RNF169: variants seen among roughly 807,000 people sequenced by gnomAD.
RNF169 encodes E3 ubiquitin-protein ligase RNF169.
Under a neutral mutation model 53.9 loss-of-function variants are expected in RNF169, and 24 were observed. That is an observed-to-expected ratio of 0.45 (90% CI 0.32 to 0.63). The LOEUF is 0.63. Among genes scored for constraint, RNF169 ranks in the 20% least tolerant of loss-of-function variants. The pLI is 0.04. For synonymous variants in RNF169, 396 were observed against 363.5 expected (o/e 1.09, Z -1.02); for missense variants, 883 against 906.2 (o/e 0.97, Z 0.33).
intron 1 of RNF169, 74 bp from the exon 2 acceptor site, chr11:74,789,552 C>G: frequency 2.4e-6 from 2 of 833,494 alleles, no homozygotes; most frequent in Non-Finnish European, 4.0e-6. Flanking sequence ...TTATATAACC[C>G]ACATGTATTG....
intron 1 of RNF169, among the ~76,000 whole-genome samples, chr11:74,784,686 C>T (rs1415973163): frequency 6.6e-6 from 1 of 152,158 alleles, no homozygotes; most frequent in Admixed American, 6.5e-5. Flanking sequence ...TTCAGATTCC[C>T]CGCAGGAAAG....
rs756042444 is a variant in RNF169 at position 74,836,607 on chromosome 11, A to C, written c.2004A>C (p.Glu668Asp). Residue 668 changes from glutamate (E) to aspartate (D), a missense_variant, in exon 6 of 6, where the codon GAA becomes GAC. By Grantham distance (45) the Glu-to-Asp change is conservative. This residue lies in a region of RNF169 where 351 missense variants were observed against 337.3 expected (regional missense o/e 1.04). Transcript: ENST00000299563. ...AGCAGAAGCTTCAGCAAGAGGAAGAAGACCGACAGTTGGCTCTGCAGTTGC... is the reference window on the plus strand; with the variant it reads ...AGCAGAAGCTTCAGCAAGAGGAAGACGACCGACAGTTGGCTCTGCAGTTGC... Reference protein sequence around the residue: ...EMEQKLQQEEEDRQLALQLQR... With the variant: ...EMEQKLQQEEDDRQLALQLQR... The C allele has an allele frequency of 1.1e-5, 18 of 1,614,070 alleles. No homozygotes were observed. The highest frequency in any genetic ancestry group is 1.6e-4 in the Middle Eastern group (1 of 6,084).
intron 4 of RNF169, among the ~76,000 whole-genome samples, chr11:74,823,357 T>G (rs1161603719): frequency 1.3e-5 from 2 of 152,134 alleles, no homozygotes; most frequent in Non-Finnish European, 2.9e-5. Flanking sequence ...CAATAATAAT[T>G]GGCAAAAACA....
At chr11:74,774,616 A>T (rs905624832) in intron 1 of RNF169, among the ~76,000 whole-genome samples, 15 of 152,072 alleles carry the variant, frequency 9.9e-5, no homozygotes, top group African/African-American at 1.9e-4. Flanking sequence ...ATGTGGTAGG[A>T]CAAAGAAAAG....
intron 2 of RNF169, among the ~76,000 whole-genome samples, chr11:74,806,718 A>G (rs1397662158): frequency 6.6e-6 from 1 of 152,210 alleles, no homozygotes. Flanking sequence ...CTTCACTTAT[A>G]TAAAATTCAG....
chr11:74,755,261 A>G (rs1199344216), intron 1 of RNF169, among the ~76,000 whole-genome samples: 1 of 152,194 alleles, frequency 6.6e-6, no homozygotes, highest in Non-Finnish European at 1.5e-5. Flanking sequence ...CTACCAACTA[A>G]ACAGTAATTA....
At chr11:74,749,645 T>C (rs2034856043) in intron 1 of RNF169, among the ~76,000 whole-genome samples, 1 of 152,118 alleles carries the variant, frequency 6.6e-6, no homozygotes, top group South Asian at 2.1e-4. Flanking sequence ...AACAGAATTG[T>C]TGGAACAAGT....
intron 1 of RNF169, among the ~76,000 whole-genome samples, chr11:74,765,774 C>G (rs966580280): frequency 6.6e-6 from 1 of 151,012 alleles, no homozygotes; most frequent in Non-Finnish European, 1.5e-5. Context: ...TGCACTCCAG[C>G]CTGGGCAACA....
intron 1 of RNF169, among the ~76,000 whole-genome samples, chr11:74,784,822 G>A (rs545347029): frequency 1.3e-5 from 2 of 152,296 alleles, no homozygotes; most frequent in African/African-American, 4.8e-5. Flanking sequence ...AGCCTTGGAA[G>A]CAGGCCTTTT....
intron 1 of RNF169, 33 bp downstream of exon 1, chr11:74,749,415 A>T: frequency 8.6e-7 from 1 of 1,164,628 alleles, no homozygotes; most frequent in Non-Finnish European, 1.1e-6. Flanking sequence ...TAGGGTCTGG[A>T]GCGAGGCCGA....
intron 1 of RNF169, among the ~76,000 whole-genome samples, chr11:74,788,436 A>C (rs2035536602): frequency 1.3e-5 from 2 of 152,144 alleles, no homozygotes; most frequent in Middle Eastern, 3.2e-3. Flanking sequence ...TCTCTCACCC[A>C]GGCTGGAGTA....
Position 74,841,489 on chromosome 11 carries a change from T to A in RNF169, c.*4759T>A, listed in dbSNP as rs1312313242. On this transcript the variant is annotated 3_prime_UTR_variant, in exon 6 of 6. Coordinates refer to ENST00000299563, the MANE Select transcript of RNF169 (RefSeq NM_001098638.2). ...GTCAAATTGGAAAAAGTGCCAAGAC[T>A]GGATGTGCAGATTGTTCTATGTATT... 1.3e-5 allele frequency: 2 copies of A among 152,222 alleles called. No individual in the cohort carries two copies. Among genetic ancestry groups the A allele is most frequent in the African/African-American group, 4.8e-5 (2 of 41,462 alleles). 9.4% of individuals were successfully genotyped at this position (152,222 alleles called of 1,614,324 possible). A position where few individuals can be genotyped will look rare whatever the true frequency, so the allele number is the denominator to read the frequency against.
intron 2 of RNF169, among the ~76,000 whole-genome samples, chr11:74,798,323 A>C (rs1303247520): frequency 6.6e-6 from 1 of 152,188 alleles, no homozygotes; most frequent in Non-Finnish European, 1.5e-5. Flanking sequence ...GAGAATACCC[A>C]CCTGGGAGTG....
At chr11:74,751,560 A>C (rs572837846) in intron 1 of RNF169, among the ~76,000 whole-genome samples, 37 of 152,332 alleles carry the variant, frequency 2.4e-4, no homozygotes, top group African/African-American at 8.2e-4. Context: ...GATTTGTGCA[A>C]ACTTTTTCCC....
At chr11:74,798,739 G>A (rs115641984) in intron 2 of RNF169, among the ~76,000 whole-genome samples, 1,552 of 152,236 alleles carry the variant, frequency 0.01, 29 homozygotes, top group African/African-American at 0.033. Flanking sequence ...GACATGTGAT[G>A]TTTCCCCTGG....
intron 2 of RNF169, among the ~76,000 whole-genome samples, chr11:74,793,880 AGT>A (rs2035612294): frequency 6.6e-6 from 1 of 152,186 alleles, no homozygotes; most frequent in Non-Finnish European, 1.5e-5. Context: ...CCTTCCCAGA[AGT>A]ACCTAGAATC....
intron 2 of RNF169, among the ~76,000 whole-genome samples, chr11:74,795,477 C>G (rs2035635154): frequency 1.3e-5 from 2 of 152,120 alleles, no homozygotes; most frequent in African/African-American, 4.8e-5. Context: ...GCCCGTTTCC[C>G]CCAGTTTTAA....
In RNF169 at chr11:74,836,483, A is replaced by G; in HGVS notation, c.1880A>G (p.Lys627Arg). The change falls in exon 6 of 6, where the codon AAG becomes AGG. Residue 627 changes from lysine (K) to arginine (R), a missense_variant. By Grantham distance (26) the Lys-to-Arg change is conservative. Transcript: ENST00000299563. ...SLRRGRKRHC[K>R]TKHLEQNGSL... Reference sequence around the variant, plus strand: ...CGTCGAGGCCGGAAAAGACACTGCAAGACCAAGCACTTAGAACAAAATGGC... The same window carrying G: ...CGTCGAGGCCGGAAAAGACACTGCAGGACCAAGCACTTAGAACAAAATGGC... 2 of 1,614,244 alleles carry G rather than the reference A, an allele frequency of 1.2e-6. No homozygotes were observed. The highest frequency in any genetic ancestry group is 1.7e-6 in the Non-Finnish European group (2 of 1,180,040).
At chr11:74,820,947 T>A (rs2036001242) in intron 4 of RNF169, among the ~76,000 whole-genome samples, 1 of 152,160 alleles carries the variant, frequency 6.6e-6, no homozygotes, top group Non-Finnish European at 1.5e-5. Flanking sequence ...ATATTCATCC[T>A]GCAAAATGTG....
Sources: gnomAD v4.1 joint callset for allele counts (sites outside exome capture counted in the v4.1 genomes callset) on GRCh38, gnomAD v4.1.1 for gene constraint, gnomAD v4.1.1 regional missense constraint, MANE v1.5 for transcripts, NCBI Gene and HGNC (gene_info 2026-07-23, HGNC 2026-07-21) for gene names.